Variants in ATP2A3 observed in about 807,000 individuals in gnomAD.
ATP2A3 encodes ATPase sarcoplasmic/endoplasmic reticulum Ca2+ transporting 3, also known as sarcoplasmic/endoplasmic reticulum calcium ATPase 3.
In ATP2A3, 61 loss-of-function variants were observed where a neutral mutation model predicts 106.8. That is an observed-to-expected ratio of 0.57 (90% CI 0.46 to 0.71). The LOEUF is 0.71. Ranked by LOEUF, ATP2A3 falls within the 30% of genes least tolerant of loss-of-function variation. The probability of loss-of-function intolerance (pLI) is 0.00; values close to 1 mark genes in which losing one functional copy is unlikely to be tolerated. For synonymous variants in ATP2A3, 611 were observed against 609.3 expected, an observed-to-expected ratio of 1.00 and a Z score of -0.04; for missense variants, 1,201 against 1,423.5, an observed-to-expected ratio of 0.84 and a Z score of 2.52.
intron 7 of ATP2A3, among the ~76,000 whole-genome samples, chr17:3,950,208 C>T (rs1361879159): frequency 2.0e-5 from 3 of 150,212 alleles, no homozygotes; most frequent in Non-Finnish European, 3.0e-5. Flanking sequence ...GTCACCCAGG[C>T]TGGAGTGCAG....
chr17:3,939,342 G>T (rs1295083232), intron 14 of ATP2A3, among the ~76,000 whole-genome samples: 2 of 152,076 alleles, frequency 1.3e-5, no homozygotes, highest in Admixed American at 6.6e-5. Context: ...TGGAGGTCAA[G>T]ATTAAAAACA....
At chr17:3,927,633 G>A (rs1445892218) in intron 20 of ATP2A3, 4 of 984,962 alleles carry the variant, frequency 4.1e-6, no homozygotes, top group Non-Finnish European at 1.2e-6. Context: ...GAACCAGACA[G>A]GGGGCAGAAT....
intron 8 of ATP2A3, chr17:3,945,487 C>G (rs1235673836): frequency 1.3e-5 from 3 of 229,094 alleles, no homozygotes; most frequent in Non-Finnish European, 2.6e-5. Context: ...CTGTGCGATC[C>G]CTGGCCAAGT....
chr17:3,963,848 G>A (rs1176654959), intron 1 of ATP2A3, among the ~76,000 whole-genome samples: 2 of 152,152 alleles, frequency 1.3e-5, no homozygotes, highest in Non-Finnish European at 2.9e-5. Flanking sequence ...CGCGGCGTTG[G>A]GGTGGAATAC....
chr17:3,953,469 C>G lies in ATP2A3; in HGVS notation c.137-40G>C, dbSNP rs752994211. ...CATGTGTGAGGCTGGGCCCCCACCA[C>G]TGACCCTGCCCACTCAGAGCTGGGA... On this transcript the variant is annotated intron_variant, in intron 2 of 20. Transcript: ENST00000397041. This position sits in a 1 kb window ranked among gnomAD's most constrained non-coding sequence, Gnocchi z 5.1. 1 of 1,601,216 alleles carries G rather than the reference C, an allele frequency of 6.2e-7. No individual in the cohort carries two copies. The highest frequency in any genetic ancestry group is 1.1e-5 in the South Asian group (1 of 90,830).
intron 20 of ATP2A3, chr17:3,927,658 C>G: frequency 1.0e-6 from 1 of 984,502 alleles, no homozygotes; most frequent in Non-Finnish European, 1.2e-6. Context: ...TTGCTCAGCT[C>G]CCCCCACCCC....
intron 7 of ATP2A3, among the ~76,000 whole-genome samples, chr17:3,948,725 A>G (rs1419618041): frequency 1.3e-5 from 2 of 151,950 alleles, no homozygotes; most frequent in East Asian, 3.9e-4. Context: ...GGCCCCTCCA[A>G]AGCTTCTTAG....
intron 17 of ATP2A3, among the ~76,000 whole-genome samples, chr17:3,931,520 T>C (rs1302940068): frequency 6.7e-6 from 1 of 148,526 alleles, no homozygotes; most frequent in East Asian, 1.9e-4. Context: ...GGAGATCTTT[T>C]TTCTTTTTTT....
At chr17:3,958,873 C>T (rs192193504) in intron 1 of ATP2A3, among the ~76,000 whole-genome samples, 9,546 of 92,506 alleles carry the variant, frequency 0.1, 1,093 homozygotes, top group Middle Eastern at 0.19. Context: ...TATATATACA[C>T]ACACACACAC....
intron 1 of ATP2A3, among the ~76,000 whole-genome samples, chr17:3,961,840 T>C (rs947154919): frequency 4.6e-5 from 7 of 152,000 alleles, no homozygotes; most frequent in Non-Finnish European, 1.0e-4. Flanking sequence ...TCGCTTATGG[T>C]GAAGAAACCG....
intron 20 of ATP2A3, chr17:3,927,603 C>G (rs1201484532): frequency 2.0e-6 from 2 of 985,318 alleles, no homozygotes; most frequent in African/African-American, 3.5e-5. Context: ...CCAGGGCTGT[C>G]ACAGAGCATT....
At chr17:3,951,117 G>A in intron 5 of ATP2A3, 134 bp downstream of exon 5, 1 of 935,848 alleles carries the variant, frequency 1.1e-6, no homozygotes, top group Non-Finnish European at 1.4e-6. Flanking sequence ...AGGTTGCAGT[G>A]AGCCGAGATT....
At position 3,929,916 on chromosome 17, in the gene ATP2A3, C is replaced by T. The variant is rs1264936001; in HGVS notation, c.2744+385G>A. Among the ~76,000 whole-genome samples, 2 of 150,498 alleles carry T rather than the reference C, an allele frequency of 1.3e-5. No individual in the cohort carries two copies. Among genetic ancestry groups the T allele is most frequent in the African/African-American group, 4.9e-5 (2 of 40,752 alleles). On this transcript the variant is annotated intron_variant, in intron 18 of 20. Coordinates refer to ENST00000397041, the MANE Select transcript of ATP2A3 (RefSeq NM_005173.4). This position sits in a 1 kb window ranked among gnomAD's most constrained non-coding sequence, Gnocchi z 4.3. Reference sequence around the variant, plus strand: ...TTGACCCTCTGATCCCAATCCTGAACCCCCCAAACATCAGACCCCAACCTG... The same window carrying T: ...TTGACCCTCTGATCCCAATCCTGAATCCCCCAAACATCAGACCCCAACCTG...
At position 3,961,888 on chromosome 17, in the gene ATP2A3, C is replaced by A. The variant is rs1324764795; in HGVS notation, c.118+2286G>T. Among the ~76,000 whole-genome samples the A allele has an allele frequency of 6.6e-5, 10 of 152,206 alleles. 1 individual carries two copies. Among genetic ancestry groups the A allele is most frequent in the Admixed American group, 6.5e-4 (10 of 15,288 alleles). Reference sequence around the variant, plus strand: ...GCAAAGAGGCTGGTCCAGCATTGCACAGCTATGAAGGGGCAGGGCTAGGGT... The same window carrying A: ...GCAAAGAGGCTGGTCCAGCATTGCAAAGCTATGAAGGGGCAGGGCTAGGGT... On this transcript the variant is annotated intron_variant, in intron 1 of 20. Transcript: ENST00000397041.
intron 10 of ATP2A3, among the ~76,000 whole-genome samples, chr17:3,944,108 C>G (rs1196943845): frequency 1.3e-5 from 2 of 152,238 alleles, no homozygotes; most frequent in South Asian, 4.1e-4. Context: ...CAGCCCGCAT[C>G]TCTCTGGCCT....
Position 3,937,633 on chromosome 17 carries a change from C to T in ATP2A3, c.2104G>A (p.Gly702Ser). 6.2e-7 allele frequency: 1 copy of T among 1,613,724 alleles called. No individual in the cohort carries two copies. The highest frequency in any genetic ancestry group is 8.5e-7 in the Non-Finnish European group (1 of 1,179,912). Residue 702 changes from glycine to serine, a missense_variant, in exon 15 of 21, where the codon GGC becomes AGC. Physicochemically the swap from Gly to Ser is moderately conservative, Grantham distance 56 (BLOSUM62 0). This residue lies in a region of ATP2A3 where 935 missense variants were observed against 1,176.7 expected (regional missense o/e 0.79). Transcript: ENST00000397041. ...QSFNEITAMT[G>S]DGVNDAPALK... Reference sequence around the variant, plus strand: ...GCTGGTGCGTCGTTCACTCCATCGCCAGTCTGTGGGCCAGGTCAGGTAGGG... The same window carrying T: ...GCTGGTGCGTCGTTCACTCCATCGCTAGTCTGTGGGCCAGGTCAGGTAGGG...
rs1307627994 is a variant in ATP2A3, at chr17:3,952,555, A to T, written c.219+792T>A. Among the ~76,000 whole-genome samples the T allele has an allele frequency of 2.0e-5, 3 of 152,146 alleles. No homozygotes were observed. In the East Asian group the frequency reaches 5.8e-4, roughly 29 times the overall value. ...CCGGCAGCAGCACTCAGCCAGGGACAAGGTGCCCCCCAGGGGCATTTGGCA... is the reference window on the plus strand; with the variant it reads ...CCGGCAGCAGCACTCAGCCAGGGACTAGGTGCCCCCCAGGGGCATTTGGCA... On this transcript the variant is annotated intron_variant, in intron 3 of 20. Coordinates refer to ENST00000397041, the MANE Select transcript of ATP2A3 (RefSeq NM_005173.4).
At position 3,941,570 on chromosome 17, in the gene ATP2A3, G is replaced by C; in HGVS notation, c.1630C>G (p.Gln544Glu). The C allele has an allele frequency of 6.2e-7, 1 of 1,613,428 alleles. No individual in the cohort carries two copies. Residue 544 changes from glutamine to glutamate, a missense_variant, in exon 13 of 21, where the codon CAG (glutamine) becomes GAG (glutamate). Transcript: ENST00000397041. ...TAPLTPTSRE[Q>E]ILAKIRDWGS... is the part of the protein sequence containing the mutation. ...CAATCCCGGATCTTTGCCAGGATCT[G>C]CTCCCTGGAGGTGGGGGTCAGGGGT...
intron 9 of ATP2A3, 54 bp from the exon 10 acceptor site, chr17:3,944,860 T>A: frequency 4.2e-6 from 4 of 943,602 alleles, no homozygotes. Context: ...CCGAGAGGGG[T>A]CCGCCTCTTG....
Sources: gnomAD v4.1 joint callset for allele counts (sites outside exome capture counted in the v4.1 genomes callset) on GRCh38, gnomAD v4.1.1 for gene constraint, gnomAD v4.1.1 regional missense constraint, Gnocchi (gnomAD v3.1) non-coding constraint, MANE v1.5 for transcripts, NCBI Gene and HGNC (gene_info 2026-07-23, HGNC 2026-07-21) for gene names.